Variants in SP140L observed in about 807,000 individuals in gnomAD.
SP140L encodes nuclear body protein SP140-like protein.
SP140L carries 64 observed loss-of-function variants against 84.3 expected under a neutral mutation model. The observed-to-expected ratio is 0.76, with a 90% CI of 0.62 to 0.94. SP140L has a LOEUF of 0.94. Among genes scored for constraint, SP140L ranks in the 40% least tolerant of loss-of-function variants. The pLI is 0.00. For synonymous variants in SP140L, 242 were observed against 236.9 expected (o/e 1.02, Z -0.20); for missense variants, 628 against 692.5 (o/e 0.91, Z 1.05).
chr2:230,349,119 G>C (rs563742967), intron 2 of SP140L, among the ~76,000 whole-genome samples: 1 of 152,306 alleles, frequency 6.6e-6, no homozygotes, highest in African/African-American at 2.4e-5. Context: ...TCTACTTGTA[G>C]TATTTGTTGA....
At chr2:230,402,002 A>G (rs1420910684) in intron 18 of SP140L, among the ~76,000 whole-genome samples, 195 bp downstream of exon 18, 1 of 152,186 alleles carries the variant, frequency 6.6e-6, no homozygotes, top group Non-Finnish European at 1.5e-5. Flanking sequence ...TGTCCCTGCA[A>G]CCAGAACCCC....
At chr2:230,391,690 G>C (rs1451721366) in intron 11 of SP140L, 1 of 186,320 alleles carries the variant, frequency 5.4e-6, no homozygotes, top group Non-Finnish European at 1.2e-5. Flanking sequence ...CCTAAGTAAG[G>C]ATTCTGCCTC....
At chr2:230,354,138 T>C (rs2060446816) in intron 2 of SP140L, among the ~76,000 whole-genome samples, 1 of 152,202 alleles carries the variant, frequency 6.6e-6, no homozygotes, top group Non-Finnish European at 1.5e-5. Context: ...GGGGTAACTT[T>C]TTCCTCTTTT....
At chr2:230,348,916 A>G (rs2060286305) in intron 2 of SP140L, among the ~76,000 whole-genome samples, 1 of 152,260 alleles carries the variant, frequency 6.6e-6, no homozygotes, top group African/African-American at 2.4e-5. Context: ...CTTGCTCACA[A>G]GTTATTAAGG....
At chr2:230,335,948 T>C (rs2059863502) in intron 2 of SP140L, among the ~76,000 whole-genome samples, 1 of 152,148 alleles carries the variant, frequency 6.6e-6, no homozygotes. Flanking sequence ...AGCAAGTACA[T>C]ACTCAAGAGA....
chr2:230,345,579 GTTCTTTTTTTTTTTTCCT>G (rs1221832340), intron 2 of SP140L, among the ~76,000 whole-genome samples: 3 of 145,376 alleles, frequency 2.1e-5, no homozygotes, highest in Non-Finnish European at 4.5e-5. Context: ...CTGTTTTGTA[GTTCTTTTTTTTTTTTCCT>G]TTCTTTTTTT....
At chr2:230,366,044 A>G (rs75035940) in intron 5 of SP140L, among the ~76,000 whole-genome samples, 1,644 of 152,252 alleles carry the variant, frequency 0.011, 26 homozygotes, top group African/African-American at 0.037. Flanking sequence ...TGTATGATTT[A>G]TCTTGGAGAA....
intron 9 of SP140L, among the ~76,000 whole-genome samples, chr2:230,386,828 A>G (rs1005727707): frequency 1.3e-5 from 2 of 152,372 alleles, no homozygotes; most frequent in African/African-American, 4.8e-5. Flanking sequence ...AGAGAAAGGA[A>G]GAAATAACTC....
At position 230,359,140 on chromosome 2, in the gene SP140L, G is replaced by A. The variant is rs780926475; in HGVS notation, c.439+8G>A. ...ATAAAAGCTTCAAAAATGGTAATTA[G>A]GTTTATTATCTACCTTTTGATTTCC... is the stretch of plus-strand genomic sequence containing the variant. On this transcript the variant is annotated splice_region_variant and intron_variant, in intron 4 of 18. Transcript: ENST00000415673. 8 of 1,603,270 alleles carry A rather than the reference G, an allele frequency of 5.0e-6. No homozygotes were observed. The highest frequency in any genetic ancestry group is 2.2e-5 in the East Asian group (1 of 44,790).
At chr2:230,358,513 A>C (rs2149732635) in intron 3 of SP140L, among the ~76,000 whole-genome samples, 1 of 152,258 alleles carries the variant, frequency 6.6e-6, no homozygotes, top group African/African-American at 2.4e-5. Context: ...CTGGCTATGA[A>C]TATGCTTCCT....
chr2:230,336,303 T>A (rs1465519882), intron 2 of SP140L, among the ~76,000 whole-genome samples: 1 of 152,240 alleles, frequency 6.6e-6, no homozygotes, highest in Non-Finnish European at 1.5e-5. Context: ...TACATTCTTA[T>A]CTGTGCCTAA....
intron 2 of SP140L, among the ~76,000 whole-genome samples, chr2:230,341,803 C>T (rs1343241353): frequency 5.3e-5 from 8 of 152,082 alleles, no homozygotes; most frequent in Admixed American, 2.0e-4. Context: ...TTAGGCTGTT[C>T]GGGGGTCAGG....
chr2:230,391,830 A>C, intron 11 of SP140L: 1 of 382,652 alleles, frequency 2.6e-6, no homozygotes, highest in Non-Finnish European at 4.8e-6. Context: ...GAAATGCTTA[A>C]AAGGTTGCTC....
chr2:230,348,109 G>T (rs2060263865), intron 2 of SP140L, among the ~76,000 whole-genome samples: 1 of 152,230 alleles, frequency 6.6e-6, no homozygotes, highest in Admixed American at 6.5e-5. Flanking sequence ...CCCCACTGGA[G>T]AAACTTTGGG....
intron 2 of SP140L, among the ~76,000 whole-genome samples, chr2:230,339,589 G>A (rs2059976996): frequency 6.7e-6 from 1 of 148,956 alleles, no homozygotes; most frequent in Non-Finnish European, 1.5e-5. Flanking sequence ...TGTGATGTTA[G>A]GGTGTCAATT....
chr2:230,376,744 A>G (rs2061250860), intron 7 of SP140L, among the ~76,000 whole-genome samples: 1 of 152,188 alleles, frequency 6.6e-6, no homozygotes, highest in Admixed American at 6.5e-5. Context: ...GTATAGAACC[A>G]TAAAGACCCA....
intron 2 of SP140L, among the ~76,000 whole-genome samples, chr2:230,351,517 C>T (rs1397673633): frequency 1.3e-5 from 2 of 152,326 alleles, no homozygotes; most frequent in Non-Finnish European, 1.5e-5. Flanking sequence ...TGTTTTTCTA[C>T]ACTGTCTTTT....
chr2:230,369,003 T>C (rs1205982935), intron 5 of SP140L, among the ~76,000 whole-genome samples: 1 of 152,204 alleles, frequency 6.6e-6, no homozygotes, highest in Non-Finnish European at 1.5e-5. Flanking sequence ...TTTGATGGTG[T>C]TATGTCTCTT....
chr2:230,358,819 A>G (rs2060628025), intron 3 of SP140L, 145 bp from the exon 4 acceptor site: 2 of 643,428 alleles, frequency 3.1e-6, no homozygotes, highest in East Asian at 6.0e-5. Flanking sequence ...TACTGGCTAT[A>G]CAAATATGTA....
Sources: gnomAD v4.1 joint callset for allele counts (sites outside exome capture counted in the v4.1 genomes callset) on GRCh38, gnomAD v4.1.1 for gene constraint, MANE v1.5 for transcripts, NCBI Gene and HGNC (gene_info 2026-07-23, HGNC 2026-07-21) for gene names.